PIK3C2G: variants seen among roughly 807,000 people sequenced by gnomAD.
PIK3C2G encodes phosphatidylinositol 3-kinase C2 domain-containing subunit gamma.
PIK3C2G carries 168 observed loss-of-function variants against 181.1 expected under a neutral mutation model. The observed-to-expected ratio is 0.93, with a 90% CI of 0.82 to 1.05. The LOEUF (loss-of-function observed/expected upper bound fraction) is 1.05. PIK3C2G is among the 50% of genes least tolerant of loss of function. The pLI is 0.00. For missense variants in PIK3C2G, 1,869 were observed against 1,732.8 expected, an observed-to-expected ratio of 1.08 and a Z score of -1.40; for synonymous variants, 573 against 592.2, an observed-to-expected ratio of 0.97 and a Z score of 0.47.
intron 18 of PIK3C2G, among the ~76,000 whole-genome samples, chr12:18,486,449 T>C (rs1036033705): frequency 3.2e-4 from 48 of 152,106 alleles, no homozygotes; most frequent in African/African-American, 1.1e-3. Flanking sequence ...TTCATTTCAA[T>C]AGAATAAGGA....
intron 18 of PIK3C2G, among the ~76,000 whole-genome samples, chr12:18,446,078 C>T (rs187791720): frequency 1.2e-3 from 181 of 152,226 alleles, no homozygotes; most frequent in African/African-American, 4.3e-3. Context: ...CTATAATTAG[C>T]CATGTTTTGA....
chr12:18,348,199 G>A (rs966905420), intron 11 of PIK3C2G, among the ~76,000 whole-genome samples: 1 of 151,430 alleles, frequency 6.6e-6, no homozygotes, highest in Non-Finnish European at 1.5e-5. Context: ...AGAGAGACAA[G>A]GATAAATATA....
At chr12:18,356,929 T>C (rs1763814974) in intron 11 of PIK3C2G, among the ~76,000 whole-genome samples, 1 of 151,954 alleles carries the variant, frequency 6.6e-6, no homozygotes, top group East Asian at 1.9e-4. Flanking sequence ...GGAAGACACG[T>C]CCTCACTTTA....
chr12:18,577,261 G>A (rs1269433663), intron 29 of PIK3C2G, among the ~76,000 whole-genome samples: 7 of 152,272 alleles, frequency 4.6e-5, no homozygotes, highest in Middle Eastern at 3.4e-3. Flanking sequence ...AGCACAGCAC[G>A]GCAAGGCTTA....
At chr12:18,340,959 C>A (rs773653853) in intron 9 of PIK3C2G, among the ~76,000 whole-genome samples, 27 of 152,082 alleles carry the variant, frequency 1.8e-4, no homozygotes, top group Non-Finnish European at 2.6e-4. Context: ...CGATTACAGC[C>A]AGCCTCCTGA....
At chr12:18,351,719 GTCA>G (rs1426277750) in intron 11 of PIK3C2G, among the ~76,000 whole-genome samples, 1 of 152,130 alleles carries the variant, frequency 6.6e-6, no homozygotes, top group Non-Finnish European at 1.5e-5. Flanking sequence ...GCATATGCAC[GTCA>G]TCCTGTATAC....
Position 18,648,087 on chromosome 12 carries a change from C to A in PIK3C2G, c.*59C>A. ...TACTTGTATTTTTTTCACTTCTGGG[C>A]CTCTGAATCACATAAGTAAGGCATC... is the stretch of plus-strand genomic sequence containing the variant. On this transcript the variant is annotated 3_prime_UTR_variant, in exon 33 of 33. Transcript: ENST00000538779. The A allele has an allele frequency of 1.9e-6, 2 of 1,048,718 alleles. No homozygotes were observed. The highest frequency in any genetic ancestry group is 2.7e-6 in the Non-Finnish European group (2 of 752,700). The allele number at this position is 1,048,718 out of a possible 1,614,324, so 65.0% of individuals were successfully genotyped here.
intron 18 of PIK3C2G, among the ~76,000 whole-genome samples, chr12:18,434,332 G>T (rs1946328777): frequency 6.6e-6 from 1 of 152,046 alleles, no homozygotes; most frequent in Admixed American, 6.6e-5. Context: ...TCCAGCTCAT[G>T]AATTTTTAAA....
At chr12:18,425,483 T>C (rs7138820) in intron 18 of PIK3C2G, among the ~76,000 whole-genome samples, 34,729 of 146,182 alleles carry the variant, frequency 0.24, 4,276 homozygotes, top group Admixed American at 0.35. Flanking sequence ...CCTCCAACTC[T>C]CTGGTTCAAG....
intron 24 of PIK3C2G, among the ~76,000 whole-genome samples, chr12:18,522,781 T>A (rs1943001483): frequency 6.6e-6 from 1 of 152,140 alleles, no homozygotes; most frequent in African/African-American, 2.4e-5. Flanking sequence ...TCATCTTTCC[T>A]CAGATTTGAG....
chr12:18,509,421 G>C (rs967816738), intron 24 of PIK3C2G, among the ~76,000 whole-genome samples: 3 of 152,124 alleles, frequency 2.0e-5, no homozygotes, highest in African/African-American at 7.2e-5. Context: ...ATATAAGAAG[G>C]ATCTTGAGAA....
chr12:18,723,601 T>C, the PIK3C2G span: 2 of 1,250,492 alleles, frequency 1.6e-6, no homozygotes, highest in Non-Finnish European at 1.2e-6. Flanking sequence ...ATAAAATGAA[T>C]ATTAGAGTAT....
intron 5 of PIK3C2G, among the ~76,000 whole-genome samples, chr12:18,304,737 AAG>A (rs746363610): frequency 2.0e-5 from 3 of 152,184 alleles, no homozygotes; most frequent in Non-Finnish European, 4.4e-5. Context: ...GCTGGGGAAG[AAG>A]AGTCTTTTTT....
At chr12:18,705,175 T>C in the PIK3C2G span, 2 of 1,613,890 alleles carry the variant, frequency 1.2e-6, no homozygotes, top group Non-Finnish European at 1.7e-6. Context: ...CCTCTGGTGA[T>C]GGTAGAGTAT....
At chr12:18,544,327 C>T (rs1026370863) in intron 25 of PIK3C2G, among the ~76,000 whole-genome samples, 7 of 151,736 alleles carry the variant, frequency 4.6e-5, no homozygotes, top group African/African-American at 1.7e-4. Context: ...GACTTTAGTA[C>T]CTAGACACTT....
chr12:18,683,403 A>C, the PIK3C2G span: 1 of 1,491,018 alleles, frequency 6.7e-7, no homozygotes, highest in Non-Finnish European at 9.3e-7. Flanking sequence ...GAGAAACAAG[A>C]GCTCTTTACT....
In PIK3C2G at chr12:18,505,461, G is replaced by T. The variant is rs1355916927; in HGVS notation, c.3323G>T (p.Arg1108Met). ...GHAQTFGGIKRDRAPFIFTSE... is the reference protein window; with the variant it reads ...GHAQTFGGIKMDRAPFIFTSE... Reference sequence around the variant, plus strand: ...GCACAAACATTTGGAGGGATAAAAAGGTCAGTGCACAAATGTTTATTACAG... The same window carrying T: ...GCACAAACATTTGGAGGGATAAAAATGTCAGTGCACAAATGTTTATTACAG... The change falls in exon 24 of 33, where the codon AGG becomes ATG. Residue 1108 changes from arginine to methionine, a missense_variant and splice_region_variant. Arg to Met is a moderately conservative substitution (Grantham distance 91). Coordinates refer to ENST00000538779, the MANE Select transcript of PIK3C2G (RefSeq NM_001288772.2). The T allele has an allele frequency of 3.7e-6, 6 of 1,610,032 alleles. No individual in the cohort carries two copies. The African/African-American group carries it at 6.7e-5, about 18-fold the overall frequency.
chr12:18,342,927 T>C (rs980711522), intron 9 of PIK3C2G, among the ~76,000 whole-genome samples: 1 of 152,078 alleles, frequency 6.6e-6, no homozygotes, highest in African/African-American at 2.4e-5. Flanking sequence ...TTTTGTCCAC[T>C]TCAATTCAGT....
At chr12:18,431,808 C>A (rs1439945535) in intron 18 of PIK3C2G, among the ~76,000 whole-genome samples, 2 of 152,132 alleles carry the variant, frequency 1.3e-5, no homozygotes, top group Non-Finnish European at 2.9e-5. Flanking sequence ...AGATATGTCT[C>A]ACTGACTTTT....
Sources: gnomAD v4.1 joint callset for allele counts (sites outside exome capture counted in the v4.1 genomes callset) on GRCh38, gnomAD v4.1.1 for gene constraint, MANE v1.5 for transcripts, NCBI Gene and HGNC (gene_info 2026-07-23, HGNC 2026-07-21) for gene names.